ANKRD36C: variants seen among roughly 807,000 people sequenced by gnomAD.
ANKRD36C encodes ankyrin repeat domain 36C.
A neutral mutation model predicts 276.4 loss-of-function variants in ANKRD36C; 61 were observed. The ratio of observed to expected loss-of-function variants is 0.22; its 90% CI spans 0.18 to 0.27. ANKRD36C has a LOEUF of 0.27. Ranked by LOEUF, ANKRD36C falls within the 10% of genes least tolerant of loss-of-function variation. ANKRD36C has a pLI of 1.00. For synonymous variants in ANKRD36C, 483 were observed against 680.1 expected (o/e 0.71, Z 4.51); for missense variants, 1,447 against 2,032.3 (o/e 0.71, Z 5.54).
rs758769100 is a variant in ANKRD36C at position 95,890,006 on chromosome 2, A to G, written c.2858-12T>C. 1 of 1,608,224 alleles carries G rather than the reference A, an allele frequency of 6.2e-7. No homozygotes were observed. The highest frequency in any genetic ancestry group is 8.5e-7 in the Non-Finnish European group (1 of 1,175,864). On this transcript the variant is annotated splice_polypyrimidine_tract_variant and intron_variant, in intron 46 of 66. Transcript: ENST00000456556. ...TTTATGAGAAGACACTGAAAAGCAA[A>G]AAGGATACATAATCACTCATACGTA...
intron 24 of ANKRD36C, among the ~76,000 whole-genome samples, chr2:95,931,606 CT>C (rs1404730771): frequency 1.3e-5 from 2 of 148,566 alleles, no homozygotes; most frequent in Non-Finnish European, 3.0e-5. Flanking sequence ...ACAGTCTCTC[CT>C]TGATGCACCA....
At chr2:95,866,189 T>C (rs912119194) in intron 60 of ANKRD36C, among the ~76,000 whole-genome samples, 1 of 151,798 alleles carries the variant, frequency 6.6e-6, no homozygotes, top group Non-Finnish European at 1.5e-5. Flanking sequence ...ATAAAATTTC[T>C]AGAACAAACA....
chr2:95,987,152 C>T, exon 2 of ANKRD36C: 1 of 1,550,106 alleles, frequency 6.5e-7, no homozygotes, highest in Non-Finnish European at 8.7e-7. Flanking sequence ...TTCTGGACAC[C>T]AGGAGATGTA....
intron 6 of ANKRD36C, among the ~76,000 whole-genome samples, chr2:95,969,383 A>C (rs1294685602): frequency 6.6e-6 from 1 of 152,220 alleles, no homozygotes; most frequent in Non-Finnish European, 1.5e-5. Flanking sequence ...CTGACTGCAG[A>C]TTCAGTTACC....
chr2:95,981,658 A>G (rs1678924150), intron 4 of ANKRD36C, among the ~76,000 whole-genome samples: 9 of 151,246 alleles, frequency 6.0e-5, no homozygotes, highest in Admixed American at 5.9e-4. Context: ...CCCTTGAAGG[A>G]TATATTATTA....
intron 60 of ANKRD36C, among the ~76,000 whole-genome samples, chr2:95,865,887 GTAT>G (rs1435154522): frequency 1.3e-5 from 2 of 152,058 alleles, no homozygotes; most frequent in Non-Finnish European, 2.9e-5. Context: ...GTTTACTGAA[GTAT>G]TAAATTGCTT....
At chr2:95,912,429 G>A (rs1676959602) in exon 41 of ANKRD36C, 1 of 1,604,740 alleles carries the variant, frequency 6.2e-7, no homozygotes, top group African/African-American at 1.3e-5. Flanking sequence ...TTTTTTCCGA[G>A]AAGACACTGA....
intron 14 of ANKRD36C, among the ~76,000 whole-genome samples, chr2:95,952,322 T>C (rs937952776): frequency 6.6e-6 from 1 of 152,304 alleles, no homozygotes; most frequent in Non-Finnish European, 1.5e-5. Flanking sequence ...TTGTTTACTA[T>C]AAAATAACAC....
chr2:95,887,485 T>C (rs1331641906), intron 50 of ANKRD36C, among the ~76,000 whole-genome samples: 4 of 151,464 alleles, frequency 2.6e-5, no homozygotes, highest in Non-Finnish European at 5.9e-5. Context: ...GGAAAAATCA[T>C]TGCTATATCA....
At chr2:95,874,904 A>G (rs1226422789) in intron 59 of ANKRD36C, among the ~76,000 whole-genome samples, 1 of 152,280 alleles carries the variant, frequency 6.6e-6, no homozygotes, top group Non-Finnish European at 1.5e-5. Flanking sequence ...GAAGACATTT[A>G]TGCAGCCAAA....
At chr2:95,929,093 C>T in exon 26 of ANKRD36C, 1 of 1,603,922 alleles carries the variant, frequency 6.2e-7, no homozygotes, top group Non-Finnish European at 8.5e-7. Flanking sequence ...ATTGGTCCCT[C>T]CTTTATTTCT....
chr2:95,853,914 C>T (rs1675350738), intron 63 of ANKRD36C, 53 bp from the exon 84 acceptor site: 1 of 1,549,652 alleles, frequency 6.5e-7, no homozygotes, highest in South Asian at 1.2e-5. Context: ...TATTATTAAA[C>T]CATTAATAAT....
exon 3 of ANKRD36C, chr2:95,986,806 G>T (rs1679036856): frequency 6.2e-7 from 1 of 1,611,904 alleles, no homozygotes; most frequent in African/African-American, 1.3e-5. Context: ...TATCATGGAT[G>T]TATCTTCATT....
intron 42 of ANKRD36C, 26 bp from the exon 54 acceptor site, chr2:95,902,984 T>G: frequency 1.3e-6 from 2 of 1,577,174 alleles, no homozygotes; most frequent in Non-Finnish European, 1.7e-6. Context: ...AATGCAATAA[T>G]AAATTAATAA....
At chr2:95,875,535 T>C (rs1437454954) in intron 59 of ANKRD36C, among the ~76,000 whole-genome samples, 1 of 56,918 alleles carries the variant, frequency 1.8e-5, no homozygotes, top group Non-Finnish European at 3.1e-5. Flanking sequence ...TGTTGTGGGG[T>C]GGGGGGAGGG....
intron 60 of ANKRD36C, among the ~76,000 whole-genome samples, chr2:95,864,953 GA>G (rs1336360628): frequency 6.6e-6 from 1 of 151,958 alleles, no homozygotes; most frequent in Non-Finnish European, 1.5e-5. Context: ...ATTCAATATA[GA>G]AAAATTAACT....
At chr2:95,967,319 T>C (rs1678611886) in intron 6 of ANKRD36C, among the ~76,000 whole-genome samples, 1 of 152,080 alleles carries the variant, frequency 6.6e-6, no homozygotes. Context: ...CATCAAAAAG[T>C]GGGCAAAGGA....
chr2:95,916,826 G>T (rs1029262881), intron 36 of ANKRD36C, among the ~76,000 whole-genome samples: 5 of 151,480 alleles, frequency 3.3e-5, no homozygotes, highest in African/African-American at 4.8e-5. Flanking sequence ...TCATCTAGTC[G>T]TGGCACCAAA....
At chr2:95,886,820 C>T (rs1158316886) in intron 50 of ANKRD36C, among the ~76,000 whole-genome samples, 1 of 151,646 alleles carries the variant, frequency 6.6e-6, no homozygotes, top group Non-Finnish European at 1.5e-5. Context: ...TTATTTCTCA[C>T]ACCCATGTGC....
Sources: gnomAD v4.1 joint callset for allele counts (sites outside exome capture counted in the v4.1 genomes callset) on GRCh38, gnomAD v4.1.1 for gene constraint, MANE v1.5 for transcripts, NCBI Gene and HGNC (gene_info 2026-07-23, HGNC 2026-07-21) for gene names.